Variants in MAP3K2 observed in about 807,000 individuals in gnomAD.
The protein encoded by MAP3K2 is mitogen-activated protein kinase kinase kinase 2.
In MAP3K2, 24 loss-of-function variants were observed where a neutral mutation model predicts 80.3. That is an observed-to-expected ratio of 0.30 (90% CI 0.22 to 0.42). MAP3K2 has a LOEUF of 0.42. Ranked by LOEUF, MAP3K2 falls within the 10% of genes least tolerant of loss-of-function variation. The pLI is 1.00. For missense variants in MAP3K2, 608 were observed against 750.1 expected (o/e 0.81, Z 2.21); for synonymous variants, 244 against 253.7 (o/e 0.96, Z 0.36).
intron 1 of MAP3K2, among the ~76,000 whole-genome samples, chr2:127,381,537 A>C (rs1285290947): frequency 6.6e-6 from 1 of 152,240 alleles, no homozygotes; most frequent in African/African-American, 2.4e-5. Context: ...TCTATAGACC[A>C]ACAAACATTT....
chr2:127,384,185 G>A (rs1248630397), intron 1 of MAP3K2, among the ~76,000 whole-genome samples: 11 of 149,208 alleles, frequency 7.4e-5, no homozygotes, highest in African/African-American at 2.5e-4. Context: ...GTGAGCCACC[G>A]TGCCCGGCCA....
In MAP3K2 at chr2:127,301,410, G is replaced by C. The variant is rs1007337313; in HGVS notation, c.*6169C>G. 1 of 152,144 alleles carries C rather than the reference G, an allele frequency of 6.6e-6. No homozygotes were observed. The highest frequency in any genetic ancestry group is 2.4e-5 in the African/African-American group (1 of 41,432). The allele number at this position is 152,144 out of a possible 1,614,324, so 9.4% of individuals were successfully genotyped here. A position where few individuals can be genotyped will look rare whatever the true frequency, so the allele number is the denominator to read the frequency against. On this transcript the variant is annotated 3_prime_UTR_variant, in exon 17 of 17. Coordinates refer to ENST00000682094, the MANE Select transcript of MAP3K2 (RefSeq NM_001371910.2). Reference sequence around the variant, plus strand: ...TCCTCAATAGTGGAAGTAACTTCTGGATGTCTAAATGCACTGATCACCTGT... The same window carrying C: ...TCCTCAATAGTGGAAGTAACTTCTGCATGTCTAAATGCACTGATCACCTGT...
intron 1 of MAP3K2, among the ~76,000 whole-genome samples, chr2:127,360,433 G>A (rs762565135): frequency 1.3e-5 from 2 of 150,994 alleles, no homozygotes; most frequent in African/African-American, 2.4e-5. Context: ...AGACAGTGAC[G>A]AATTACAAAA....
chr2:127,309,601 AT>A (rs1480386916), intron 15 of MAP3K2, among the ~76,000 whole-genome samples: 3 of 152,042 alleles, frequency 2.0e-5, no homozygotes, highest in Non-Finnish European at 4.4e-5. Flanking sequence ...CCCACACCAT[AT>A]TTAGTCATCG....
In MAP3K2 at chr2:127,322,548, G is replaced by A. The variant is rs1183942321; in HGVS notation, c.839-296C>T. On this transcript the variant is annotated intron_variant, in intron 11 of 16. Transcript: ENST00000682094. The surrounding 1 kb of genome is among the most constrained non-coding windows in gnomAD (Gnocchi z 4.2). The stretch of plus-strand genomic sequence containing the variant: ...AAAATTTACTCTCATTTCCAATAAT[G>A]ATTTTAAAATCTAAAACAAAGATGC... Among the ~76,000 whole-genome samples, 1 of 152,110 alleles carries A rather than the reference G, an allele frequency of 6.6e-6. No individual in the cohort carries two copies. The highest frequency in any genetic ancestry group is 1.9e-4 in the East Asian group (1 of 5,180).
intron 1 of MAP3K2, among the ~76,000 whole-genome samples, chr2:127,355,607 G>GGCCT (rs1401041299): frequency 2.0e-5 from 3 of 152,064 alleles, no homozygotes; most frequent in Non-Finnish European, 4.4e-5. Flanking sequence ...GCCACTAGAG[G>GGCCT]GCCTCCATGT....
At chr2:127,342,259 A>G (rs1429838009) in intron 2 of MAP3K2, among the ~76,000 whole-genome samples, 1 of 152,166 alleles carries the variant, frequency 6.6e-6, no homozygotes, top group East Asian at 1.9e-4. Flanking sequence ...ACTACAGAAG[A>G]GGAAGTGGAA....
Position 127,304,119 on chromosome 2 carries a change from G to A in MAP3K2, c.*3460C>T, listed in dbSNP as rs1214395340. The A allele has an allele frequency of 1.3e-5, 2 of 152,084 alleles. No individual in the cohort carries two copies. The highest frequency in any genetic ancestry group is 2.4e-5 in the African/African-American group (1 of 41,422). The allele number at this position is 152,084 out of a possible 1,614,324, so 9.4% of individuals were successfully genotyped here. ...AATTTTCTTTTACAGTTCAGCAAATGCATTAATATTTTAATTCCTTATATA... is the reference window on the plus strand; with the variant it reads ...AATTTTCTTTTACAGTTCAGCAAATACATTAATATTTTAATTCCTTATATA... On this transcript the variant is annotated 3_prime_UTR_variant, in exon 17 of 17. Coordinates refer to ENST00000682094, the MANE Select transcript of MAP3K2 (RefSeq NM_001371910.2).
At chr2:127,338,882 G>C in intron 3 of MAP3K2, 50 bp downstream of exon 3, 1 of 1,202,694 alleles carries the variant, frequency 8.3e-7, no homozygotes, top group Non-Finnish European at 1.2e-6. Flanking sequence ...CATAAGATTA[G>C]GATATTAAAG....
chr2:127,342,819 A>C (rs1227119155), intron 2 of MAP3K2, among the ~76,000 whole-genome samples: 1 of 152,210 alleles, frequency 6.6e-6, no homozygotes, highest in African/African-American at 2.4e-5. Context: ...TTGCTGCTCT[A>C]TGAATGATAA....
intron 1 of MAP3K2, among the ~76,000 whole-genome samples, chr2:127,353,942 C>T (rs1327842717): frequency 6.6e-6 from 1 of 151,544 alleles, no homozygotes; most frequent in Non-Finnish European, 1.5e-5. Context: ...TATGACCTTA[C>T]CCCCAACCCT....
intron 1 of MAP3K2, among the ~76,000 whole-genome samples, chr2:127,383,311 A>G (rs1053403953): frequency 2.6e-5 from 4 of 152,198 alleles, no homozygotes; most frequent in South Asian, 2.1e-4. Flanking sequence ...GATTCTTCCA[A>G]TCAACGAGTA....
chr2:127,383,930 G>C (rs2104907255), intron 1 of MAP3K2, among the ~76,000 whole-genome samples: 1 of 147,286 alleles, frequency 6.8e-6, no homozygotes, highest in South Asian at 2.1e-4. Flanking sequence ...CTGGAGTGCA[G>C]TGGCGCCATC....
At chr2:127,338,815 CACTA>C (rs1462310074) in intron 3 of MAP3K2, 113 bp downstream of exon 3, 1 of 686,178 alleles carries the variant, frequency 1.5e-6, no homozygotes, top group Non-Finnish European at 2.5e-6. Flanking sequence ...GTGTAACAAA[CACTA>C]ACAAAATTCT....
chr2:127,314,274 C>T (rs1204190527), intron 15 of MAP3K2, among the ~76,000 whole-genome samples: 1 of 152,160 alleles, frequency 6.6e-6, no homozygotes, highest in Non-Finnish European at 1.5e-5. Flanking sequence ...ACCCATTCCT[C>T]CGAGTTTAAA....
At chr2:127,326,618 C>G in intron 8 of MAP3K2, 69 bp downstream of exon 8, 4 of 1,195,974 alleles carry the variant, frequency 3.3e-6, no homozygotes, top group Non-Finnish European at 4.5e-6. Context: ...CACCCAGTTA[C>G]GTGCCAAATC....
At position 127,306,691 on chromosome 2, in the gene MAP3K2, A is replaced by C. The variant is rs2104801359; in HGVS notation, c.*888T>G. ...CGTCCCCCTCAAGTAAAACAAAACA[A>C]AACTGTTTAAAATACACTAAACACC... On this transcript the variant is annotated 3_prime_UTR_variant, in exon 17 of 17. Coordinates refer to ENST00000682094, the MANE Select transcript of MAP3K2 (RefSeq NM_001371910.2). The surrounding 1 kb of genome is among the most constrained non-coding windows in gnomAD (Gnocchi z 4.7). 1 of 152,218 alleles carries C rather than the reference A, an allele frequency of 6.6e-6. No individual in the cohort carries two copies. The highest frequency in any genetic ancestry group is 6.5e-5 in the Admixed American group (1 of 15,282). 9.4% of individuals were successfully genotyped at this position (152,218 alleles called of 1,614,324 possible).
intron 1 of MAP3K2, among the ~76,000 whole-genome samples, chr2:127,356,090 C>T (rs1208471916): frequency 6.6e-6 from 1 of 152,146 alleles, no homozygotes; most frequent in Non-Finnish European, 1.5e-5. Flanking sequence ...CTATTTCCAT[C>T]AAATCTGTAG....
intron 1 of MAP3K2, among the ~76,000 whole-genome samples, chr2:127,358,416 A>G (rs1393078005): frequency 6.6e-6 from 1 of 152,234 alleles, no homozygotes; most frequent in Non-Finnish European, 1.5e-5. Context: ...ACCAGTAATC[A>G]TGCTTTGTAT....
Sources: gnomAD v4.1 joint callset for allele counts (sites outside exome capture counted in the v4.1 genomes callset) on GRCh38, gnomAD v4.1.1 for gene constraint, Gnocchi (gnomAD v3.1) non-coding constraint, MANE v1.5 for transcripts, NCBI Gene and HGNC (gene_info 2026-07-23, HGNC 2026-07-21) for gene names.